PALM2AKAP2: variants seen among roughly 807,000 people sequenced by gnomAD.
PALM2AKAP2 encodes the protein PALM2 and AKAP2 fusion, also known as PALM2-AKAP2 fusion protein.
In PALM2AKAP2, 37 loss-of-function variants were observed where a neutral mutation model predicts 71.5. The ratio of observed to expected loss-of-function variants is 0.52; its 90% CI spans 0.40 to 0.68. PALM2AKAP2 has a LOEUF of 0.68. Ranked by LOEUF, PALM2AKAP2 falls within the 30% of genes least tolerant of loss-of-function variation. The probability of loss-of-function intolerance (pLI) is 0.00; values close to 1 mark genes in which losing one functional copy is unlikely to be tolerated. For synonymous variants in PALM2AKAP2, 468 were observed against 478.8 expected, an observed-to-expected ratio of 0.98 and a Z score of 0.29; for missense variants, 1,224 against 1,191.8, an observed-to-expected ratio of 1.03 and a Z score of -0.40.
chr9:110,079,537 T>A (rs1160066844), intron 1 of PALM2AKAP2, among the ~76,000 whole-genome samples: 2 of 152,004 alleles, frequency 1.3e-5, no homozygotes, highest in African/African-American at 4.8e-5. Context: ...GTTAGGTTAA[T>A]CTTCAGTCTC....
At chr9:110,142,982 T>C (rs183233376) in intron 2 of PALM2AKAP2, among the ~76,000 whole-genome samples, 36 of 152,330 alleles carry the variant, frequency 2.4e-4, no homozygotes, top group African/African-American at 7.5e-4. Context: ...ATCCATTTCA[T>C]AGGCTTGGAT....
chr9:109,925,229 G>A (rs1320885771), intron 5 of PALM2AKAP2, 147 bp downstream of exon 5: 1 of 1,240,392 alleles, frequency 8.1e-7, no homozygotes, highest in Admixed American at 2.1e-5. Context: ...GGCCACTGAG[G>A]AGGTCCACAT....
At chr9:109,850,660 G>T (rs1828984206) in intron 1 of PALM2AKAP2, among the ~76,000 whole-genome samples, 1 of 152,144 alleles carries the variant, frequency 6.6e-6, no homozygotes, top group South Asian at 2.1e-4. Context: ...TTGACTTGTG[G>T]CTAAAGCCCA....
At chr9:110,113,730 A>G (rs1374576911) in intron 1 of PALM2AKAP2, among the ~76,000 whole-genome samples, 3 of 151,938 alleles carry the variant, frequency 2.0e-5, no homozygotes, top group Admixed American at 1.3e-4. Context: ...ATGGGTTTTC[A>G]TCATGTTGGC....
intron 7 of PALM2AKAP2, among the ~76,000 whole-genome samples, chr9:110,023,561 G>A (rs1056492819): frequency 2.0e-5 from 3 of 151,856 alleles, no homozygotes; most frequent in Admixed American, 6.6e-5. Context: ...TGATCCACCC[G>A]CCTCGGCCTC....
At chr9:109,780,724 G>A (rs926657366) in intron 1 of PALM2AKAP2, among the ~76,000 whole-genome samples, 191 bp downstream of exon 1, 24 of 152,122 alleles carry the variant, frequency 1.6e-4, no homozygotes, top group African/African-American at 5.1e-4. Context: ...CCAAGGGCGC[G>A]CTTTGGACTG....
At chr9:109,696,902 A>C (rs1172352998) in intron 1 of PALM2AKAP2, among the ~76,000 whole-genome samples, 1 of 152,168 alleles carries the variant, frequency 6.6e-6, no homozygotes, top group Admixed American at 6.5e-5. Flanking sequence ...ATTGTGGTAC[A>C]AAAACTCAAA....
intron 1 of PALM2AKAP2, among the ~76,000 whole-genome samples, chr9:109,784,068 C>T (rs571726366): frequency 1.3e-5 from 2 of 152,344 alleles, no homozygotes; most frequent in East Asian, 1.9e-4. Context: ...CACTCACATG[C>T]TCCTTTCTTC....
chr9:109,757,808 A>G (rs1445459538), intron 1 of PALM2AKAP2, among the ~76,000 whole-genome samples: 1 of 152,112 alleles, frequency 6.6e-6, no homozygotes, highest in Non-Finnish European at 1.5e-5. Flanking sequence ...GTGATAGAAA[A>G]GGGATAGATC....
At chr9:110,089,063 A>T (rs1834646967) in intron 1 of PALM2AKAP2, among the ~76,000 whole-genome samples, 1 of 152,064 alleles carries the variant, frequency 6.6e-6, no homozygotes, top group Non-Finnish European at 1.5e-5. Flanking sequence ...AAAAAATCAG[A>T]TCCTCAGTCA....
In PALM2AKAP2 at chr9:109,990,285, T is replaced by C. The variant is rs560332422; in HGVS notation, c.497-25669T>C. Among the ~76,000 whole-genome samples the C allele has an allele frequency of 1.2e-3, 180 of 152,140 alleles. 1 individual carries two copies. Among genetic ancestry groups the C allele is most frequent in the African/African-American group, 4.3e-3 (177 of 41,506 alleles). ...ATGTTGGCAAGGCTGGTCTCGAACT[T>C]CTGATCTCCAGTGATCCGCCTGTCT... On this transcript the variant is annotated intron_variant, in intron 6 of 9. Coordinates refer to the PALM2AKAP2 transcript ENST00000302798.
At chr9:109,849,692 G>T (rs1045785342) in intron 1 of PALM2AKAP2, among the ~76,000 whole-genome samples, 1 of 152,124 alleles carries the variant, frequency 6.6e-6, no homozygotes, top group African/African-American at 2.4e-5. Context: ...GGAGGCGAAG[G>T]TTGCAGTGAA....
intron 1 of PALM2AKAP2, among the ~76,000 whole-genome samples, chr9:110,077,622 T>C (rs1269124597): frequency 6.6e-6 from 1 of 152,188 alleles, no homozygotes; most frequent in African/African-American, 2.4e-5. Context: ...CCAATGCTGT[T>C]TGGGCAAATT....
Position 109,750,784 on chromosome 9 carries a change from C to A in PALM2AKAP2, c.6-29704C>A, listed in dbSNP as rs1347605026. Among the ~76,000 whole-genome samples, 3 of 152,232 alleles carry A rather than the reference C, an allele frequency of 2.0e-5. No homozygotes were observed. In the East Asian group the frequency reaches 5.8e-4, roughly 29 times the overall value. ...AAGAAATTTTTAAAATGTTGGCAAT[C>A]AACTTAAGACATTCTTTTGTAAGAT... On this transcript the variant is annotated intron_variant, in intron 1 of 6. Transcript: ENST00000374531.
At position 109,843,428 on chromosome 9, in the gene PALM2AKAP2, ATG is replaced by A. The variant is rs1433325792; in HGVS notation, c.46-24059_46-24058del. 2.0e-5 allele frequency among the ~76,000 whole-genome samples: 3 copies of A among 151,796 alleles called. No homozygotes were observed. In the East Asian group the frequency reaches 5.8e-4, roughly 29 times the overall value. ...CATTATTTCATTGTTATTACAAATTATGTGTTTTAAATGCCTATTTTGATGTA... is the reference window on the plus strand; with the variant it reads ...CATTATTTCATTGTTATTACAAATTATGTTTTAAATGCCTATTTTGATGTA... On this transcript the variant is annotated intron_variant, in intron 1 of 9. Transcript: ENST00000302798.
chr9:110,063,328 T>C (rs1834004007), intron 1 of PALM2AKAP2, among the ~76,000 whole-genome samples: 1 of 152,210 alleles, frequency 6.6e-6, no homozygotes, highest in African/African-American at 2.4e-5. Flanking sequence ...TGGTTGCTTC[T>C]GAGGGCTGTG....
intron 1 of PALM2AKAP2, among the ~76,000 whole-genome samples, chr9:110,070,991 G>A (rs1438331988): frequency 6.6e-6 from 1 of 151,638 alleles, no homozygotes; most frequent in African/African-American, 2.4e-5. Context: ...GTGAAACCCC[G>A]CCTCTACTAA....
chr9:110,088,833 T>C (rs10465107), intron 1 of PALM2AKAP2, among the ~76,000 whole-genome samples: 27,045 of 148,294 alleles, frequency 0.18, 3,280 homozygotes, highest in African/African-American at 0.35. Flanking sequence ...AATTCTCCTG[T>C]CTCAGCCTCC....
intron 1 of PALM2AKAP2, among the ~76,000 whole-genome samples, chr9:109,805,253 G>C (rs558940544): frequency 1.7e-4 from 26 of 152,180 alleles, no homozygotes; most frequent in Non-Finnish European, 2.9e-5. Context: ...CCAAGCACAG[G>C]GCTCTCCCAG....
Sources: allele counts gnomAD v4.1 joint callset (sites outside exome capture counted in the v4.1 genomes callset), GRCh38; gene constraint gnomAD v4.1.1; transcripts MANE v1.5; gene names NCBI Gene and HGNC (gene_info 2026-07-23, HGNC 2026-07-21).